The following ELAVL2 variants were observed in gnomAD, a reference collection of about 807,000 sequenced individuals.
ELAVL2 encodes ELAV-like protein 2.
A neutral mutation model predicts 34.6 loss-of-function variants in ELAVL2; 4 were observed. The observed-to-expected ratio is 0.12, with a 90% CI of 0.06 to 0.26. The LOEUF (loss-of-function observed/expected upper bound fraction) is 0.26. Among genes scored for constraint, ELAVL2 ranks in the 10% least tolerant of loss-of-function variants. The pLI, the probability that ELAVL2 is intolerant of heterozygous loss-of-function variation, is 1.00. For missense variants in ELAVL2, 432 were observed against 442.8 expected (o/e 0.98, Z 0.22); for synonymous variants, 193 against 154.8 (o/e 1.25, Z -1.83).
At chr9:23,738,659 C>G (rs1310478150) in intron 2 of ELAVL2, among the ~76,000 whole-genome samples, 1 of 152,066 alleles carries the variant, frequency 6.6e-6, no homozygotes, top group Non-Finnish European at 1.5e-5. Flanking sequence ...CTGAAAGGCC[C>G]CAAAGTTTCT....
intron 2 of ELAVL2, chr9:23,735,634 G>A (rs189841411): frequency 1.3e-5 from 2 of 152,236 alleles, no homozygotes; most frequent in Admixed American, 1.3e-4. Flanking sequence ...GCTATATTCT[G>A]TGCTGCACTG....
intron 3 of ELAVL2, among the ~76,000 whole-genome samples, chr9:23,720,860 A>G (rs1334038513): frequency 6.6e-6 from 1 of 152,190 alleles, no homozygotes; most frequent in Non-Finnish European, 1.5e-5. Flanking sequence ...CTGTTGAAAT[A>G]CAATTTCCTC....
At chr9:23,759,463 G>C (rs181145132) in intron 2 of ELAVL2, among the ~76,000 whole-genome samples, 29 of 151,860 alleles carry the variant, frequency 1.9e-4, no homozygotes, top group Admixed American at 1.1e-3. Flanking sequence ...ACTGTTAAAA[G>C]AAATAAGTTC....
intron 2 of ELAVL2, among the ~76,000 whole-genome samples, chr9:23,739,233 T>G (rs2048575769): frequency 6.6e-6 from 1 of 152,108 alleles, no homozygotes; most frequent in South Asian, 2.1e-4. Flanking sequence ...AGAAAGTGAC[T>G]GAGATAGTGT....
chr9:23,825,760 G>A (rs2065260100), intron 1 of ELAVL2, 46 bp downstream of exon 1: 1 of 152,240 alleles, frequency 6.6e-6, no homozygotes, highest in Non-Finnish European at 1.5e-5. Flanking sequence ...GGGTTTGCCA[G>A]CGCATCGCTG....
chr9:23,778,209 G>A (rs2058526772), intron 1 of ELAVL2, among the ~76,000 whole-genome samples: 2 of 152,262 alleles, frequency 1.3e-5, no homozygotes, highest in South Asian at 2.1e-4. Context: ...AATCACGTGC[G>A]AGGTTGAAAA....
At chr9:23,719,359 G>A (rs1054596598) in intron 3 of ELAVL2, among the ~76,000 whole-genome samples, 1 of 152,164 alleles carries the variant, frequency 6.6e-6, no homozygotes, top group African/African-American at 2.4e-5. Context: ...AAAGGTGAGA[G>A]GGGTGTTTTT....
chr9:23,814,758 G>A (rs956760004), intron 1 of ELAVL2, among the ~76,000 whole-genome samples: 2 of 152,096 alleles, frequency 1.3e-5, no homozygotes, highest in Non-Finnish European at 2.9e-5. Flanking sequence ...AAAGGTGGAT[G>A]ACCCCCTCAC....
chr9:23,830,662 C>A (rs2065473898), upstream of ELAVL2, among the ~76,000 whole-genome samples: 1 of 141,586 alleles, frequency 7.1e-6, no homozygotes, highest in South Asian at 2.2e-4. Context: ...GTATGAGGTT[C>A]ATTCTCCTTT....
intron 1 of ELAVL2, among the ~76,000 whole-genome samples, chr9:23,789,941 G>A (rs2060137618): frequency 6.6e-6 from 1 of 152,068 alleles, no homozygotes; most frequent in Non-Finnish European, 1.5e-5. Context: ...CAGAGGTAAG[G>A]TAAGGGGTAA....
At chr9:23,711,068 A>G (rs1564006024) in intron 3 of ELAVL2, among the ~76,000 whole-genome samples, 1 of 152,194 alleles carries the variant, frequency 6.6e-6, no homozygotes, top group African/African-American at 2.4e-5. Context: ...TAAGTTTTCA[A>G]TAAGGAAGGG....
chr9:23,692,817 T>A lies in ELAVL2; in HGVS notation c.820A>T (p.Thr274Ser), dbSNP rs765320944. The A allele has an allele frequency of 6.2e-7, 1 of 1,614,152 alleles. No individual in the cohort carries two copies. Among genetic ancestry groups the A allele is most frequent in the Non-Finnish European group, 8.5e-7 (1 of 1,180,002 alleles). ...AGINIPGHPG[T>S]GWCIFVYNLA... ...TTGTACACAAATATACACCACCCTG[T>A]TCCAGGGTGCCCAGGGATATTAATT... is the stretch of plus-strand genomic sequence containing the variant. Residue 274 changes from threonine (T) to serine (S), a missense_variant, in exon 7 of 7, where the codon ACA (threonine) becomes TCA (serine). By Grantham distance (58) the Thr-to-Ser change is moderately conservative. This residue lies in a region of ELAVL2 where 295 missense variants were observed against 306.1 expected (regional missense o/e 0.96). Coordinates refer to ENST00000397312, the MANE Select transcript of ELAVL2 (RefSeq NM_004432.5).
intron 3 of ELAVL2, among the ~76,000 whole-genome samples, chr9:23,712,021 G>A (rs2041096301): frequency 1.3e-5 from 2 of 152,084 alleles, no homozygotes; most frequent in African/African-American, 4.8e-5. Context: ...TCAAATTGGG[G>A]ATTCAAGTCC....
At chr9:23,773,877 T>C (rs2057736901) in intron 1 of ELAVL2, among the ~76,000 whole-genome samples, 1 of 152,142 alleles carries the variant, frequency 6.6e-6, no homozygotes, top group African/African-American at 2.4e-5. Context: ...TCATTATTGC[T>C]GGACAAAACA....
chr9:23,735,013 A>C (rs1423127750), intron 2 of ELAVL2, among the ~76,000 whole-genome samples: 1 of 150,112 alleles, frequency 6.7e-6, no homozygotes, highest in Non-Finnish European at 1.5e-5. Flanking sequence ...AAAGTTTTAT[A>C]AGATGCTACA....
intron 3 of ELAVL2, among the ~76,000 whole-genome samples, chr9:23,719,686 TTATAA>T (rs1288961766): frequency 6.6e-6 from 1 of 152,148 alleles, no homozygotes; most frequent in Non-Finnish European, 1.5e-5. Context: ...GTGGAAGCTC[TTATAA>T]TAGAGCAAAT....
At position 23,692,478 on chromosome 9, in the gene ELAVL2, T is replaced by G. The variant is rs2033460353; in HGVS notation, c.*79A>C. 2 of 1,411,830 alleles carry G rather than the reference T, an allele frequency of 1.4e-6. No homozygotes were observed. Among genetic ancestry groups the G allele is most frequent in the Admixed American group, 2.5e-5 (1 of 40,066 alleles). 87.5% of individuals were successfully genotyped at this position (1,411,830 alleles called of 1,614,324 possible). On this transcript the variant is annotated 3_prime_UTR_variant, in exon 7 of 7. Transcript: ENST00000397312. ...TCTCAACACTGACTTACAAAGACAT[T>G]TACTAATGTATAAAGTTTCTCTTAA...
chr9:23,772,831 T>C (rs1483451058), intron 1 of ELAVL2, among the ~76,000 whole-genome samples: 2 of 152,186 alleles, frequency 1.3e-5, no homozygotes, highest in Non-Finnish European at 2.9e-5. Flanking sequence ...TGTATACTTG[T>C]GATTTAGAGA....
chr9:23,742,232 C>G (rs192489332), intron 2 of ELAVL2, among the ~76,000 whole-genome samples: 1 of 152,268 alleles, frequency 6.6e-6, no homozygotes, highest in African/African-American at 2.4e-5. Flanking sequence ...TTTCTGAGAC[C>G]TCCTTTACAC....
Sources: gnomAD v4.1 joint callset for allele counts (sites outside exome capture counted in the v4.1 genomes callset) on GRCh38, gnomAD v4.1.1 for gene constraint, gnomAD v4.1.1 regional missense constraint, MANE v1.5 for transcripts, NCBI Gene and HGNC (gene_info 2026-07-23, HGNC 2026-07-21) for gene names.